Variants in MCUR1 observed in about 807,000 individuals in gnomAD.
The protein encoded by MCUR1 is MCU regulator 1.
A neutral mutation model predicts 42.0 loss-of-function variants in MCUR1; 37 were observed. The ratio of observed to expected loss-of-function variants is 0.88; its 90% CI spans 0.68 to 1.16. The LOEUF is 1.16. Among genes scored for constraint, MCUR1 ranks in the 50% most tolerant of loss-of-function variants. The pLI, the probability that MCUR1 is intolerant of heterozygous loss-of-function variation, is 0.00. For synonymous variants in MCUR1, 229 were observed against 196.2 expected (o/e 1.17, Z -1.40); for missense variants, 469 against 468.4 (o/e 1.00, Z -0.01).
chr6:13,786,663 T>TTGCAA lies in MCUR1; in HGVS notation c.*4141_*4145dup, dbSNP rs1167166270. Reference sequence around the variant, plus strand: ...TTATACAATTGGCTGGAATTAACAGTTGCAATACAGTTATTCTAGCTTTTC... The same window carrying TTGCAA: ...TTATACAATTGGCTGGAATTAACAGTTGCAATGCAATACAGTTATTCTAGCTTTTC... On this transcript the variant is annotated 3_prime_UTR_variant, in exon 9 of 9. Coordinates refer to ENST00000379170, the MANE Select transcript of MCUR1 (RefSeq NM_001031713.4). 1 of 152,198 alleles carries TTGCAA rather than the reference T, an allele frequency of 6.6e-6. No homozygotes were observed. Among genetic ancestry groups the TTGCAA allele is most frequent in the Non-Finnish European group, 1.5e-5 (1 of 68,036 alleles). The allele number at this position is 152,198 out of a possible 1,614,324, so 9.4% of individuals were successfully genotyped here.
chr6:13,796,458 G>C (rs1382544855), intron 6 of MCUR1, among the ~76,000 whole-genome samples: 1 of 151,914 alleles, frequency 6.6e-6, no homozygotes, highest in Non-Finnish European at 1.5e-5. Flanking sequence ...GCTAATTTTT[G>C]TATTTTTGGT....
At chr6:13,790,960 A>C in intron 8 of MCUR1, 96 bp from the exon 9 acceptor site, 1 of 912,202 alleles carries the variant, frequency 1.1e-6, no homozygotes. Flanking sequence ...GAAAACCTAG[A>C]AACTTAGATT....
rs553728352 is a variant in MCUR1 at position 13,788,036 on chromosome 6, C to G, written c.*2773G>C. 4 of 152,288 alleles carry G rather than the reference C, an allele frequency of 2.6e-5. No individual in the cohort carries two copies. The highest frequency in any genetic ancestry group is 2.0e-4 in the Admixed American group (3 of 15,292). The allele number at this position is 152,288 out of a possible 1,614,324, so 9.4% of individuals were successfully genotyped here. A position where few individuals can be genotyped will look rare whatever the true frequency, so the allele number is the denominator to read the frequency against. On this transcript the variant is annotated 3_prime_UTR_variant, in exon 9 of 9. Transcript: ENST00000379170. ...TAGCTAGGATTACAGGGGTGTGCCA[C>G]CACGCCTGGCTAATTTTTCTATTTT...
At chr6:13,799,473 G>A (rs963228560) in intron 5 of MCUR1, among the ~76,000 whole-genome samples, 4 of 151,990 alleles carry the variant, frequency 2.6e-5, no homozygotes, top group Non-Finnish European at 5.9e-5. Flanking sequence ...GTGAGCCATC[G>A]CGCCCGGCCT....
intron 8 of MCUR1, among the ~76,000 whole-genome samples, chr6:13,791,068 T>C (rs998821332): frequency 6.6e-6 from 1 of 152,148 alleles, no homozygotes; most frequent in African/African-American, 2.4e-5. Context: ...CATGGTCTCA[T>C]CTGGTACCCA....
chr6:13,810,526 C>G (rs955478970), intron 1 of MCUR1, among the ~76,000 whole-genome samples: 3 of 152,110 alleles, frequency 2.0e-5, no homozygotes, highest in Non-Finnish European at 4.4e-5. Flanking sequence ...AAAGGTTTCC[C>G]CAGCAGGCCT....
At chr6:13,813,993 T>C in intron 1 of MCUR1, 22 bp downstream of exon 1, 1 of 1,229,906 alleles carries the variant, frequency 8.1e-7, no homozygotes, top group Non-Finnish European at 1.0e-6. Flanking sequence ...GAGCCCCCTC[T>C]CCTCTCCCGC....
rs1310545807 is a variant in MCUR1 at position 13,800,377 on chromosome 6, T to C, written c.747A>G (p.Ile249Met). 6.5e-7 allele frequency: 1 copy of C among 1,534,036 alleles called. No homozygotes were observed. Among genetic ancestry groups the C allele is most frequent in the Non-Finnish European group, 8.9e-7 (1 of 1,127,690 alleles). Residue 249 changes from isoleucine to methionine, a missense_variant, in exon 5 of 9, where the codon ATA becomes ATG. By Grantham distance (10) the Ile-to-Met change is conservative. Transcript: ENST00000379170. ...GTTTTAACTGATGTAGTTCGAGTTT[T>C]ATTTTCTAAAAACACATAAAAAAAA... is the stretch of plus-strand genomic sequence containing the variant. ...FSALRAENEK[I>M]KLELHQLKQQ...
chr6:13,800,880 A>G (rs1332805837), intron 4 of MCUR1, among the ~76,000 whole-genome samples: 1 of 152,230 alleles, frequency 6.6e-6, no homozygotes, highest in African/African-American at 2.4e-5. Flanking sequence ...AACACAAGAG[A>G]TATTTCGCAG....
chr6:13,793,915 C>T lies in MCUR1; in HGVS notation c.888G>A (p.Leu296=), dbSNP rs3823247. The change falls in exon 7 of 9, where the codon TTG becomes TTA. Residue 296 remains leucine (L), a synonymous_variant. Transcript: ENST00000379170. The part of the protein sequence containing the change: ...YSLNEKKLLE[L]RTEIVALHAQ... ...TTACCAATGCCACTATTTCTGTTCT[C>T]AATTCCAGCAGCTTCTTTTCGTTCA... The T allele has an allele frequency of 0.015, 24,684 of 1,613,616 alleles. 1,409 individuals are homozygous for T. In the East Asian group the frequency reaches 0.2, roughly 13 times the overall value.
At chr6:13,797,889 T>C (rs1422540267) in intron 6 of MCUR1, among the ~76,000 whole-genome samples, 1 of 149,004 alleles carries the variant, frequency 6.7e-6, no homozygotes, top group Non-Finnish European at 1.5e-5. Context: ...CCAGGTGTGG[T>C]GGTGGCGTCT....
intron 7 of MCUR1, among the ~76,000 whole-genome samples, chr6:13,793,469 G>T (rs1759780774): frequency 6.6e-6 from 1 of 152,172 alleles, no homozygotes; most frequent in Non-Finnish European, 1.5e-5. Context: ...CAACAACATG[G>T]ATGAACCTTC....
At chr6:13,812,841 G>T (rs1381725271) in intron 1 of MCUR1, among the ~76,000 whole-genome samples, 1 of 152,146 alleles carries the variant, frequency 6.6e-6, no homozygotes, top group African/African-American at 2.4e-5. Context: ...TATCAGAAAT[G>T]ATTTTTTTCT....
chr6:13,800,110 C>A (rs1262766617), intron 5 of MCUR1, among the ~76,000 whole-genome samples: 2 of 152,062 alleles, frequency 1.3e-5, no homozygotes, highest in African/African-American at 2.4e-5. Flanking sequence ...GGATTACAGG[C>A]ATGAGCCACC....
intron 1 of MCUR1, among the ~76,000 whole-genome samples, chr6:13,811,895 G>A (rs1584991942): frequency 6.6e-6 from 1 of 151,786 alleles, no homozygotes; most frequent in East Asian, 1.9e-4. Flanking sequence ...CAAAAAGATT[G>A]GAACCAGAAA....
In MCUR1 at chr6:13,796,012, T is replaced by C. The variant is rs181899210; in HGVS notation, c.856-2065A>G. Reference sequence around the variant, plus strand: ...TACTATCATGATGGACAGGATTTAATTGAAACTCTGTGCATTGGTTGCTTT... The same window carrying C: ...TACTATCATGATGGACAGGATTTAACTGAAACTCTGTGCATTGGTTGCTTT... On this transcript the variant is annotated intron_variant, in intron 6 of 8. Coordinates refer to ENST00000379170, the MANE Select transcript of MCUR1 (RefSeq NM_001031713.4). Among the ~76,000 whole-genome samples, 259 of 152,346 alleles carry C rather than the reference T, an allele frequency of 1.7e-3. 2 individuals carry two copies. The highest frequency in any genetic ancestry group is 6.0e-3 in the African/African-American group (251 of 41,582).
intron 7 of MCUR1, among the ~76,000 whole-genome samples, chr6:13,793,165 T>G (rs991544245): frequency 6.8e-6 from 1 of 147,568 alleles, no homozygotes; most frequent in African/African-American, 2.6e-5. Context: ...AAAAGGAAAC[T>G]TTCATTAAGA....
In MCUR1 at chr6:13,814,533, C is replaced by A. The variant is rs552353779; in HGVS notation, c.-104G>T. Reference sequence around the variant, plus strand: ...GTCCGACAGCGGGAGCGAGCGTGGGCCACAGCGCAGGACCGCCCTTTCCTG... The same window carrying A: ...GTCCGACAGCGGGAGCGAGCGTGGGACACAGCGCAGGACCGCCCTTTCCTG... On this transcript the variant is annotated 5_prime_UTR_variant, in exon 1 of 9. Coordinates refer to ENST00000379170, the MANE Select transcript of MCUR1 (RefSeq NM_001031713.4). 1.0e-4 allele frequency: 133 copies of A among 1,277,936 alleles called. 8 individuals carry two copies. In the South Asian group the frequency reaches 2.7e-3, roughly 26 times the overall value. 79.2% of individuals were successfully genotyped at this position (1,277,936 alleles called of 1,614,324 possible).
intron 4 of MCUR1, among the ~76,000 whole-genome samples, chr6:13,800,699 A>T (rs1759971449): frequency 6.6e-6 from 1 of 152,210 alleles, no homozygotes; most frequent in Non-Finnish European, 1.5e-5. Flanking sequence ...CAACCTAGAG[A>T]GTCTGAAACT....
Sources: allele counts gnomAD v4.1 joint callset (sites outside exome capture counted in the v4.1 genomes callset), GRCh38; gene constraint gnomAD v4.1.1; transcripts MANE v1.5; gene names NCBI Gene and HGNC (gene_info 2026-07-23, HGNC 2026-07-21).